SLC9A6: variants seen among roughly 807,000 people sequenced by gnomAD.
SLC9A6 encodes the protein sodium/hydrogen exchanger 6.
Under a neutral mutation model 45.3 loss-of-function variants are expected in SLC9A6, and 6 were observed. The ratio of observed to expected loss-of-function variants is 0.13; its 90% CI spans 0.07 to 0.26. The LOEUF (loss-of-function observed/expected upper bound fraction) is 0.26, where lower values mean the gene tolerates loss of function less well. SLC9A6 is among the 10% of genes least tolerant of loss of function. SLC9A6 has a pLI of 1.00. For synonymous variants in SLC9A6, 191 were observed against 187.7 expected, an observed-to-expected ratio of 1.02 and a Z score of -0.14; for missense variants, 278 against 503.7, an observed-to-expected ratio of 0.55 and a Z score of 4.29.
upstream of SLC9A6, among the ~76,000 whole-genome samples, chrX:135,981,394 C>T (rs2089284866): frequency 9.0e-6 from 1 of 111,533 alleles, no homozygotes; most frequent in African/African-American, 3.3e-5. Context: ...TCACCTCCCA[C>T]CAGGTCCCTC....
chrX:136,026,626 C>T (rs1464367969), intron 13 of SLC9A6, among the ~76,000 whole-genome samples: 1 of 109,948 alleles, frequency 9.1e-6, no homozygotes, highest in Non-Finnish European at 1.9e-5. Flanking sequence ...ACCTCCGCCT[C>T]CCAGGTTCAA....
intron 3 of SLC9A6, 114 bp downstream of exon 3, chrX:135,995,099 C>A (rs2089480092): frequency 2.0e-6 from 1 of 505,793 alleles, no homozygotes; most frequent in African/African-American, 2.3e-5. Context: ...GAGTCTTTTT[C>A]AATGGAGTAA....
intron 17 of SLC9A6, among the ~76,000 whole-genome samples, chrX:136,042,114 C>A (rs1159875938): frequency 5.5e-5 from 6 of 109,802 alleles, no homozygotes; most frequent in Non-Finnish European, 1.1e-4. Context: ...GTTAGGACTT[C>A]AACATCTTTT....
chrX:135,981,267 G>A (rs781827722), upstream of SLC9A6, among the ~76,000 whole-genome samples: 132 of 111,529 alleles, frequency 1.2e-3, 1 homozygote, highest in African/African-American at 4.3e-3. Flanking sequence ...GTCTTCTTAT[G>A]GCAGCAGGAA....
intron 16 of SLC9A6, among the ~76,000 whole-genome samples, chrX:136,039,145 T>C (rs2071462874): frequency 9.1e-6 from 1 of 109,672 alleles, no homozygotes; most frequent in Non-Finnish European, 1.9e-5. Flanking sequence ...GAGGATTGCT[T>C]GAGGCAGGCT....
chrX:136,014,338 A>G (rs1187456014), intron 10 of SLC9A6, among the ~76,000 whole-genome samples: 1 of 111,694 alleles, frequency 9.0e-6, no homozygotes, highest in Non-Finnish European at 1.9e-5. Context: ...TTTTTCCCCC[A>G]AGTGTATACA....
intron 7 of SLC9A6, 114 bp downstream of exon 7, chrX:136,002,327 C>A: frequency 1.8e-6 from 1 of 566,371 alleles, no homozygotes. Context: ...AAGAATGAGG[C>A]ATTTTTTTCC....
chrX:136,025,992 A>C (rs968381346), intron 13 of SLC9A6, among the ~76,000 whole-genome samples: 2 of 111,797 alleles, frequency 1.8e-5, no homozygotes, highest in Non-Finnish European at 3.8e-5. Context: ...CGCAAAAAGA[A>C]AAGACAAAAA....
intron 10 of SLC9A6, among the ~76,000 whole-genome samples, chrX:136,016,418 G>A (rs1442893107): frequency 9.1e-6 from 1 of 109,875 alleles, no homozygotes; most frequent in Non-Finnish European, 1.9e-5. Context: ...TGAAGATGGG[G>A]CTTTGAAGAA....
At chrX:136,024,607 G>A in intron 13 of SLC9A6, 124 bp downstream of exon 13, 1 of 637,927 alleles carries the variant, frequency 1.6e-6, no homozygotes, top group Non-Finnish European at 2.4e-6. Flanking sequence ...TAAAAAGTAT[G>A]TAATATATAG....
At chrX:135,980,176 T>C (rs1460718806), upstream of SLC9A6, among the ~76,000 whole-genome samples, 1 of 107,999 alleles carries the variant, frequency 9.3e-6, no homozygotes, top group Non-Finnish European at 1.9e-5. Flanking sequence ...TTCCACAATA[T>C]GACTTCAACC....
At chrX:136,026,760 T>G (rs1386914074) in intron 13 of SLC9A6, among the ~76,000 whole-genome samples, 1 of 112,001 alleles carries the variant, frequency 8.9e-6, no homozygotes, top group Non-Finnish European at 1.9e-5. Context: ...GGTCTCAAAC[T>G]CCTGGCCTCA....
chrX:136,042,363 A>G (rs1344325992), intron 17 of SLC9A6, among the ~76,000 whole-genome samples: 1 of 110,735 alleles, frequency 9.0e-6, no homozygotes, highest in Non-Finnish European at 1.9e-5. Context: ...TTTTTAGTAG[A>G]GACGAGGTTT....
chrX:135,995,668 A>G (rs1308233223), intron 3 of SLC9A6, among the ~76,000 whole-genome samples: 1 of 112,041 alleles, frequency 8.9e-6, no homozygotes, highest in Non-Finnish European at 1.9e-5. Context: ...GCTTTATTTG[A>G]TAATACCTAA....
chrX:136,008,129 G>T (rs1556618203), intron 7 of SLC9A6, among the ~76,000 whole-genome samples: 1 of 112,213 alleles, frequency 8.9e-6, no homozygotes, highest in East Asian at 2.8e-4. Context: ...AGCAAAAATA[G>T]TAGAAGCAAC....
intron 3 of SLC9A6, among the ~76,000 whole-genome samples, 185 bp from the exon 4 acceptor site, chrX:135,997,923 A>G (rs2089528637): frequency 8.9e-6 from 1 of 111,837 alleles, no homozygotes; most frequent in African/African-American, 3.3e-5. Context: ...TTCCAATGCT[A>G]TCTCCTGGTC....
chrX:136,009,261 C>A (rs371838674), intron 7 of SLC9A6, among the ~76,000 whole-genome samples: 2 of 111,493 alleles, frequency 1.8e-5, no homozygotes, highest in Non-Finnish European at 3.8e-5. Context: ...CACATTTAAA[C>A]GTAAATGTTT....
rs376065876 is a variant in SLC9A6, at chrX:136,009,480, A to G, written c.744-962A>G. ...TGAATCAGAAAAAAACATTGCAGCA[A>G]CCACAGGGAGAATTCATTATATTTT... is the stretch of plus-strand genomic sequence containing the variant. On this transcript the variant is annotated intron_variant, in intron 7 of 17. Coordinates refer to ENST00000630721, the MANE Select transcript of SLC9A6 (RefSeq NM_001379110.1). Among the ~76,000 whole-genome samples the G allele has an allele frequency of 6.3e-5, 7 of 111,816 alleles. No homozygotes were observed. In the East Asian group the frequency reaches 1.7e-3, roughly 27 times the overall value.
chrX:136,028,144 ATAT>A (rs1323707985), intron 13 of SLC9A6, among the ~76,000 whole-genome samples: 3 of 112,269 alleles, frequency 2.7e-5, no homozygotes, highest in African/African-American at 9.7e-5. Context: ...TCTTGTGATA[ATAT>A]TGTTATAAGA....
Sources: allele counts gnomAD v4.1 joint callset (sites outside exome capture counted in the v4.1 genomes callset), GRCh38; gene constraint gnomAD v4.1.1; transcripts MANE v1.5; gene names NCBI Gene and HGNC (gene_info 2026-07-23, HGNC 2026-07-21).